Variants in SYNPO observed in about 807,000 individuals in gnomAD.
The protein encoded by SYNPO is synaptopodin.
A neutral mutation model predicts 49.5 loss-of-function variants in SYNPO; 19 were observed. The observed-to-expected ratio is 0.38, with a 90% CI of 0.27 to 0.56. SYNPO has a LOEUF of 0.56. Among genes scored for constraint, SYNPO ranks in the 20% least tolerant of loss-of-function variants. The pLI is 0.68. For missense variants in SYNPO, 1,131 were observed against 1,248.3 expected (o/e 0.91, Z 1.42); for synonymous variants, 536 against 548.0 (o/e 0.98, Z 0.31).
At chr5:150,590,807 C>A in the SYNPO span, among the ~76,000 whole-genome samples, 2 of 152,138 alleles carry the variant, frequency 1.3e-5, no homozygotes, top group African/African-American at 4.8e-5. Flanking sequence ...GGGCTGTTAT[C>A]GTTGTTGCTG....
In SYNPO at chr5:150,631,156, A is replaced by C. The variant is rs144348800; in HGVS notation, c.400+12389A>C. On this transcript the variant is annotated intron_variant, in intron 2 of 2. Coordinates refer to the SYNPO transcript ENST00000394243. ...GCATTTGCTCTTTTACTTAGTCAAC[A>C]AATGTTTATTCAGGCCCAGCTATGG... Among the ~76,000 whole-genome samples, 503 of 152,296 alleles carry C rather than the reference A, an allele frequency of 3.3e-3. 2 individuals are homozygous for C. The highest frequency in any genetic ancestry group is 4.7e-3 in the Non-Finnish European group (322 of 68,016).
intron 1 of SYNPO, among the ~76,000 whole-genome samples, chr5:150,612,598 A>T (rs1756878790): frequency 6.6e-6 from 1 of 152,190 alleles, no homozygotes; most frequent in African/African-American, 2.4e-5. Flanking sequence ...GAGCTTGGCA[A>T]GTCATCGCAG....
At chr5:150,595,293 C>T in the SYNPO span, among the ~76,000 whole-genome samples, 2 of 152,188 alleles carry the variant, frequency 1.3e-5, no homozygotes, top group Non-Finnish European at 2.9e-5. Flanking sequence ...ATAGAATCAC[C>T]AAGTATGAAA....
the SYNPO span, among the ~76,000 whole-genome samples, chr5:150,592,662 C>A: frequency 6.6e-6 from 1 of 152,188 alleles, no homozygotes; most frequent in African/African-American, 2.4e-5. Context: ...GCCCGAGCAC[C>A]CTTCCTCCCA....
chr5:150,647,929 T>C lies in SYNPO; in HGVS notation c.-332-15T>C. 7 of 1,543,890 alleles carry C rather than the reference T, an allele frequency of 4.5e-6. No homozygotes were observed. Among genetic ancestry groups the C allele is most frequent in the Non-Finnish European group, 6.1e-6 (7 of 1,140,722 alleles). On this transcript the variant is annotated splice_polypyrimidine_tract_variant and intron_variant, in intron 1 of 2. Coordinates refer to ENST00000307662, the MANE Select transcript of SYNPO (RefSeq NM_007286.6). ...CATTCCTGTTTGCTAACTGGGCTTT[T>C]GTCCCTCCCTGTAGCGTTGGGCCGG... is the stretch of plus-strand genomic sequence containing the variant.
chr5:150,620,902 TTTCTTTCTTTC>T (rs1561639709), intron 2 of SYNPO, among the ~76,000 whole-genome samples: 56 of 104,620 alleles, frequency 5.4e-4, no homozygotes, highest in East Asian at 1.8e-3. Flanking sequence ...TTTTTTTCTC[TTTCTTTCTTTC>T]TTTCTTTCTT....
chr5:150,651,646 T>C, intron 2 of SYNPO: 2 of 1,001,626 alleles, frequency 2.0e-6, no homozygotes, highest in Non-Finnish European at 2.4e-6. Context: ...AGTAGGAGCA[T>C]GGCAGGAGCT....
intron 1 of SYNPO, among the ~76,000 whole-genome samples, chr5:150,611,659 G>T (rs1160396302): frequency 6.6e-6 from 1 of 152,196 alleles, no homozygotes; most frequent in Non-Finnish European, 1.5e-5. Context: ...AGTAGGCTGG[G>T]CGGTTGGGAT....
chr5:150,636,391 C>G (rs1401115846), upstream of SYNPO, among the ~76,000 whole-genome samples: 1 of 152,162 alleles, frequency 6.6e-6, no homozygotes, highest in Non-Finnish European at 1.5e-5. Flanking sequence ...GTGGGGGCAC[C>G]ACACTCTAGG....
At position 150,627,967 on chromosome 5, in the gene SYNPO, GC is replaced by G. The variant is rs538266021; in HGVS notation, c.400+9202del. On this transcript the variant is annotated intron_variant, in intron 2 of 2. Coordinates refer to the SYNPO transcript ENST00000394243. Reference sequence around the variant, plus strand: ...GAGATCTGGTCAGAGGGGCGGCTGGGCCTGCCTGCAAAGTGGCTCTGCTAAG... The same window carrying G: ...GAGATCTGGTCAGAGGGGCGGCTGGGCTGCCTGCAAAGTGGCTCTGCTAAG... 6.6e-3 allele frequency among the ~76,000 whole-genome samples: 1,008 copies of G among 152,146 alleles called. 7 individuals are homozygous for G. Among genetic ancestry groups the G allele is most frequent in the South Asian group, 0.014 (67 of 4,810 alleles).
rs1405537122 is a variant in SYNPO at position 150,649,095 on chromosome 5, C to T, written c.820C>T (p.Pro274Ser). ...HFGEKAPAPQPPSLPDRSPRP... is the reference protein window; with the variant it reads ...HFGEKAPAPQSPSLPDRSPRP... The stretch of plus-strand genomic sequence containing the variant: ...TGGGGAGAAGGCCCCGGCTCCCCAG[C>T]CCCCCAGTTTGCCAGACAGGAGCCC... Residue 274 changes from proline (P) to serine (S), a missense_variant, in exon 2 of 3, where the codon CCC becomes TCC. Physicochemically the swap from Pro to Ser is moderately conservative, Grantham distance 74. Around this residue, in one of 4 missense-constraint regions of SYNPO, gnomAD observed 602 missense variants for 720.7 expected, o/e 0.84. Coordinates refer to ENST00000307662, the MANE Select transcript of SYNPO (RefSeq NM_007286.6). The T allele has an allele frequency of 2.5e-6, 4 of 1,613,672 alleles. No homozygotes were observed. Among genetic ancestry groups the T allele is most frequent in the Middle Eastern group, 1.7e-4 (1 of 6,056 alleles).
At chr5:150,610,628 A>G (rs1172624816) in intron 1 of SYNPO, among the ~76,000 whole-genome samples, 1 of 151,810 alleles carries the variant, frequency 6.6e-6, no homozygotes, top group Admixed American at 6.6e-5. Flanking sequence ...AACAATAATT[A>G]TAATAACAAC....
intron 2 of SYNPO, among the ~76,000 whole-genome samples, chr5:150,633,748 C>T (rs543236457): frequency 1.5e-3 from 225 of 152,318 alleles, no homozygotes; most frequent in African/African-American, 5.1e-3. Flanking sequence ...TGCTCTGTCT[C>T]TATCTCTGAT....
intron 2 of SYNPO, among the ~76,000 whole-genome samples, chr5:150,634,827 AACACACACACACAC>A (rs202176402): frequency 2.4e-5 from 3 of 124,688 alleles, no homozygotes; most frequent in African/African-American, 7.1e-5. Flanking sequence ...CCCTGTCTAA[AACACACACACACAC>A]ACACACACAC....
At chr5:150,653,273 C>T (rs1047944436) in intron 2 of SYNPO, 2 of 152,226 alleles carry the variant, frequency 1.3e-5, no homozygotes, top group Non-Finnish European at 2.9e-5. Flanking sequence ...TGAGGTCAGG[C>T]TCTGGCCCAT....
chr5:150,654,342 C>G (rs982456552), intron 2 of SYNPO: 1 of 134,298 alleles, frequency 7.4e-6, no homozygotes, highest in Non-Finnish European at 1.5e-5. Flanking sequence ...AAACATGTAG[C>G]CTTTGAGCAG....
At chr5:150,644,784 G>T (rs1409101342) in intron 1 of SYNPO, among the ~76,000 whole-genome samples, 1 of 152,166 alleles carries the variant, frequency 6.6e-6, no homozygotes, top group African/African-American at 2.4e-5. Flanking sequence ...AGTGTGGCTG[G>T]CACCCCATCC....
chr5:150,605,891 A>G (rs1209611202), intron 1 of SYNPO, among the ~76,000 whole-genome samples: 2 of 152,136 alleles, frequency 1.3e-5, no homozygotes, highest in Non-Finnish European at 1.5e-5. Flanking sequence ...ACAGATATAC[A>G]TAGACACACA....
chr5:150,618,276 C>G (rs1757036675), exon 2 of SYNPO: 1 of 1,412,172 alleles, frequency 7.1e-7, no homozygotes, highest in African/African-American at 1.4e-5. Flanking sequence ...GTGTAAGGAG[C>G]AGAGACCAGG....
Sources: allele counts gnomAD v4.1 joint callset (sites outside exome capture counted in the v4.1 genomes callset), GRCh38; gene constraint gnomAD v4.1.1; regional missense constraint gnomAD v4.1.1; transcripts MANE v1.5; gene names NCBI Gene and HGNC (gene_info 2026-07-23, HGNC 2026-07-21).